The following FAR2 variants were observed in gnomAD, a reference collection of about 807,000 sequenced individuals.
The protein encoded by FAR2 is epididymis secretory protein Li 81.
Under a neutral mutation model 56.0 loss-of-function variants are expected in FAR2, and 19 were observed. That is an observed-to-expected ratio of 0.34 (90% CI 0.24 to 0.50). The LOEUF is 0.50. FAR2 is among the 20% of genes least tolerant of loss of function. The probability of loss-of-function intolerance (pLI) is 0.98; values close to 1 mark genes in which losing one functional copy is unlikely to be tolerated. For synonymous variants in FAR2, 219 were observed against 218.8 expected, an observed-to-expected ratio of 1.00 and a Z score of -0.01; for missense variants, 508 against 642.2, an observed-to-expected ratio of 0.79 and a Z score of 2.26.
intron 2 of FAR2, among the ~76,000 whole-genome samples, chr12:29,292,570 G>A (rs1948988660): frequency 6.6e-6 from 1 of 152,090 alleles, no homozygotes; most frequent in African/African-American, 2.4e-5. Flanking sequence ...GATCTTTCTG[G>A]AAGAGATGTA....
chr12:29,209,099 A>G (rs1314988024), intron 1 of FAR2, among the ~76,000 whole-genome samples: 1 of 151,898 alleles, frequency 6.6e-6, no homozygotes, highest in African/African-American at 2.4e-5. Context: ...AAAAAAAAGT[A>G]CTACACAGGA....
intron 11 of FAR2, chr12:29,333,286 C>A: frequency 4.0e-6 from 1 of 249,460 alleles, no homozygotes; most frequent in Non-Finnish European, 7.8e-6. Flanking sequence ...GAATAGCAAG[C>A]CAAGAACTTT....
At chr12:29,287,560 G>T (rs1173092046) in intron 2 of FAR2, among the ~76,000 whole-genome samples, 4 of 151,938 alleles carry the variant, frequency 2.6e-5, no homozygotes, top group African/African-American at 9.7e-5. Context: ...TTCACCTTGG[G>T]ACACCAAATA....
At chr12:29,177,371 T>G (rs1337948771) in intron 1 of FAR2, among the ~76,000 whole-genome samples, 1 of 152,074 alleles carries the variant, frequency 6.6e-6, no homozygotes, top group African/African-American at 2.4e-5. Flanking sequence ...TTTTAAGAGG[T>G]GCTCTTTTCT....
chr12:29,242,735 G>A (rs1948058078), intron 1 of FAR2, among the ~76,000 whole-genome samples: 1 of 152,190 alleles, frequency 6.6e-6, no homozygotes. Flanking sequence ...CAAAATGACA[G>A]AGTAGGTATG....
intron 1 of FAR2, among the ~76,000 whole-genome samples, chr12:29,162,158 A>AT (rs1394451327): frequency 6.6e-6 from 1 of 152,056 alleles, no homozygotes; most frequent in Admixed American, 6.6e-5. Flanking sequence ...TCTTCATAGT[A>AT]TTTTTTGCCT....
chr12:29,237,726 C>A, intron 1 of FAR2, among the ~76,000 whole-genome samples: 1 of 152,098 alleles, frequency 6.6e-6, no homozygotes, highest in Admixed American at 6.6e-5. Flanking sequence ...AGTATGCGAA[C>A]CTGTCACTTA....
intron 1 of FAR2, among the ~76,000 whole-genome samples, chr12:29,264,912 G>A (rs1424348056): frequency 2.0e-5 from 3 of 151,940 alleles, no homozygotes; most frequent in Admixed American, 1.3e-4. Flanking sequence ...AGTCCAGAAG[G>A]TAATCCCATT....
Position 29,309,216 on chromosome 12 carries a change from G to C in FAR2, c.754G>C (p.Gly252Arg). ...GGTTGATAATATAAATGGACCTAATGGAATCATTATTGCGGTATGTATAAT... is the reference window on the plus strand; with the variant it reads ...GGTTGATAATATAAATGGACCTAATCGAATCATTATTGCGGTATGTATAAT... ...GWVDNINGPN[G>R]IIIATGKGFL... The change falls in exon 6 of 12, where the codon GGA becomes CGA. Residue 252 changes from glycine to arginine, a missense_variant. Coordinates refer to ENST00000536681, the MANE Select transcript of FAR2 (RefSeq NM_001271783.2). 1 of 1,599,926 alleles carries C rather than the reference G, an allele frequency of 6.3e-7. No individual in the cohort carries two copies. Among genetic ancestry groups the C allele is most frequent in the South Asian group, 1.1e-5 (1 of 90,612 alleles).
intron 8 of FAR2, among the ~76,000 whole-genome samples, chr12:29,315,792 G>A (rs1301490545): frequency 6.6e-6 from 1 of 152,192 alleles, no homozygotes; most frequent in African/African-American, 2.4e-5. Flanking sequence ...GCAAGTTTGT[G>A]TATGCATTGG....
At chr12:29,317,180 A>C (rs562670415) in intron 9 of FAR2, among the ~76,000 whole-genome samples, 168 bp downstream of exon 9, 3 of 152,318 alleles carry the variant, frequency 2.0e-5, no homozygotes, top group Middle Eastern at 3.4e-3. Context: ...AATTCTCCAA[A>C]ATCCAAAACG....
At chr12:29,255,839 T>G (rs11050156) in intron 1 of FAR2, among the ~76,000 whole-genome samples, 8,143 of 152,242 alleles carry the variant, frequency 0.053, 285 homozygotes, top group Non-Finnish European at 0.082. Context: ...ATTATTAAAT[T>G]GCCTTTTCAG....
At chr12:29,168,189 T>C (rs1352704023) in intron 1 of FAR2, among the ~76,000 whole-genome samples, 2 of 152,186 alleles carry the variant, frequency 1.3e-5, no homozygotes, top group Non-Finnish European at 2.9e-5. Context: ...AGCTGGGAGT[T>C]GCTGAACTTT....
intron 1 of FAR2, among the ~76,000 whole-genome samples, chr12:29,252,981 C>T (rs959304875): frequency 1.3e-5 from 2 of 152,076 alleles, no homozygotes; most frequent in African/African-American, 4.8e-5. Context: ...CTCATCCAAT[C>T]TGTTGAAAGC....
intron 2 of FAR2, among the ~76,000 whole-genome samples, chr12:29,275,625 AC>A (rs1264972508): frequency 6.6e-6 from 1 of 151,960 alleles, no homozygotes. Context: ...GCCTCCAATC[AC>A]CCCTGCTTCT....
chr12:29,322,442 A>G (rs1949567721), intron 10 of FAR2, among the ~76,000 whole-genome samples: 2 of 152,138 alleles, frequency 1.3e-5, no homozygotes, highest in African/African-American at 4.8e-5. Flanking sequence ...TCCCTTCATC[A>G]GTGCTGCATC....
At chr12:29,295,427 G>A (rs1949046899) in intron 3 of FAR2, among the ~76,000 whole-genome samples, 1 of 152,074 alleles carries the variant, frequency 6.6e-6, no homozygotes, top group African/African-American at 2.4e-5. Context: ...TATACTTCCT[G>A]ATTAAATTTA....
chr12:29,171,899 T>G (rs35199330), intron 1 of FAR2: 5,904 of 120,228 alleles, frequency 0.049, 334 homozygotes, highest in African/African-American at 0.16. Flanking sequence ...AACTGACTGG[T>G]AAGTGAGGAG....
At chr12:29,302,344 G>A (rs999623045) in intron 4 of FAR2, among the ~76,000 whole-genome samples, 1 of 152,108 alleles carries the variant, frequency 6.6e-6, no homozygotes, top group Non-Finnish European at 1.5e-5. Flanking sequence ...TACACGTGTG[G>A]TGGTGGGGAA....
Sources: allele counts gnomAD v4.1 joint callset (sites outside exome capture counted in the v4.1 genomes callset), GRCh38; gene constraint gnomAD v4.1.1; transcripts MANE v1.5; gene names NCBI Gene and HGNC (gene_info 2026-07-23, HGNC 2026-07-21).